Variants in SYT14 observed in about 807,000 individuals in gnomAD.
SYT14 encodes synaptotagmin-14.
Under a neutral mutation model 74.2 loss-of-function variants are expected in SYT14, and 32 were observed. The observed-to-expected ratio is 0.43, with a 90% CI of 0.33 to 0.58. The LOEUF is 0.58. Among genes scored for constraint, SYT14 ranks in the 20% least tolerant of loss-of-function variants. The pLI is 0.05. For missense variants in SYT14, 791 were observed against 981.8 expected, an observed-to-expected ratio of 0.81 and a Z score of 2.60; for synonymous variants, 298 against 337.7, an observed-to-expected ratio of 0.88 and a Z score of 1.29.
At chr1:210,162,149 T>A in exon 10 of SYT14, 2 of 439,444 alleles carry the variant, frequency 4.6e-6, no homozygotes, top group South Asian at 1.6e-5. Flanking sequence ...AAAACAGTTA[T>A]GAGATTCCTT....
At chr1:209,948,867 AT>A (rs908593014) in intron 1 of SYT14, among the ~76,000 whole-genome samples, 18 of 152,242 alleles carry the variant, frequency 1.2e-4, no homozygotes, top group African/African-American at 4.3e-4. Context: ...TGTGTGGAAA[AT>A]TGTATTTATA....
chr1:210,073,169 A>G (rs2081426736), intron 5 of SYT14, among the ~76,000 whole-genome samples: 1 of 151,986 alleles, frequency 6.6e-6, no homozygotes, highest in Non-Finnish European at 1.5e-5. Flanking sequence ...TTAGTTACAA[A>G]ATAATAAATT....
chr1:209,965,555 T>A (rs1362160370), intron 2 of SYT14, among the ~76,000 whole-genome samples: 1 of 152,208 alleles, frequency 6.6e-6, no homozygotes, highest in Non-Finnish European at 1.5e-5. Context: ...AACAGTTTGT[T>A]TTCCTTTGGG....
intron 5 of SYT14, among the ~76,000 whole-genome samples, chr1:210,056,458 T>G (rs2081098093): frequency 6.6e-6 from 1 of 152,030 alleles, no homozygotes; most frequent in Admixed American, 6.6e-5. Flanking sequence ...TCGAGCTCCT[T>G]ATTTCTTCTT....
rs568781244 is a variant in SYT14 at position 209,942,299 on chromosome 1, G to C, written c.-534+4022G>C. On this transcript the variant is annotated intron_variant, in intron 1 of 9. Transcript: ENST00000637265. ...CGGCAATCCAAAATGTTAAGCTTAG[G>C]ATATTCAGAATGTCCCAAAGTTGTC... 8.7e-4 allele frequency among the ~76,000 whole-genome samples: 129 copies of C among 148,628 alleles called. 1 individual carries two copies. The highest frequency in any genetic ancestry group is 3.1e-3 in the African/African-American group (122 of 39,084).
chr1:209,970,645 T>C (rs1455010847), intron 2 of SYT14, among the ~76,000 whole-genome samples: 3 of 149,400 alleles, frequency 2.0e-5, no homozygotes, highest in Non-Finnish European at 4.4e-5. Flanking sequence ...ATTTACAGAT[T>C]GCTTTGGGCA....
chr1:210,169,752 A>G (rs946101705), exon 10 of SYT14: 4 of 152,112 alleles, frequency 2.6e-5, no homozygotes, highest in Non-Finnish European at 4.4e-5. Context: ...TTGAGGAAGA[A>G]TAGTTATTAT....
intron 5 of SYT14, among the ~76,000 whole-genome samples, chr1:210,065,655 T>A (rs972352599): frequency 2.2e-4 from 34 of 152,118 alleles, no homozygotes; most frequent in African/African-American, 7.9e-4. Flanking sequence ...AACATGAAAA[T>A]AATTTTTAAT....
intron 5 of SYT14, among the ~76,000 whole-genome samples, chr1:210,051,993 G>T (rs1022321925): frequency 6.6e-6 from 1 of 151,968 alleles, no homozygotes; most frequent in South Asian, 2.1e-4. Context: ...TTAACTTTTG[G>T]ACCCTTTTTT....
chr1:210,141,140 C>T (rs562501603), intron 7 of SYT14, among the ~76,000 whole-genome samples: 1 of 150,498 alleles, frequency 6.6e-6, no homozygotes, highest in African/African-American at 2.4e-5. Flanking sequence ...ACTGTCTTAA[C>T]AATTTAAGTC....
intron 5 of SYT14, among the ~76,000 whole-genome samples, chr1:210,046,755 T>C (rs577872789): frequency 6.6e-6 from 1 of 152,318 alleles, no homozygotes; most frequent in South Asian, 2.1e-4. Flanking sequence ...GTCTATCCAC[T>C]TAACCACTGA....
chr1:209,956,245 T>C (rs527334027), intron 2 of SYT14, among the ~76,000 whole-genome samples: 14 of 151,554 alleles, frequency 9.2e-5, no homozygotes, highest in Non-Finnish European at 1.9e-4. Context: ...TATATTGTAT[T>C]ACTCAAGGTA....
intron 2 of SYT14, among the ~76,000 whole-genome samples, chr1:209,999,759 A>G (rs533142496): frequency 3.3e-5 from 5 of 152,252 alleles, no homozygotes; most frequent in South Asian, 2.1e-4. Flanking sequence ...AATGGTGTAT[A>G]TGGTAAGGAT....
chr1:210,075,667 C>G (rs527568196), intron 5 of SYT14, among the ~76,000 whole-genome samples: 20 of 152,154 alleles, frequency 1.3e-4, no homozygotes, highest in Admixed American at 7.2e-4. Context: ...AGGATGGGGG[C>G]GTGGCTGGCC....
chr1:210,162,827 A>T (rs1229920845), exon 10 of SYT14: 3 of 452,048 alleles, frequency 6.6e-6, no homozygotes, highest in African/African-American at 2.0e-5. Flanking sequence ...AAGAAAAAAT[A>T]CAAATGCTAT....
At chr1:210,065,050 T>C (rs1417184174) in intron 5 of SYT14, among the ~76,000 whole-genome samples, 2 of 152,138 alleles carry the variant, frequency 1.3e-5, no homozygotes, top group Non-Finnish European at 2.9e-5. Context: ...TTCATGTGCT[T>C]ACTAGCCACT....
intron 7 of SYT14, among the ~76,000 whole-genome samples, chr1:210,105,617 G>A (rs568062691): frequency 4.7e-4 from 72 of 152,254 alleles, no homozygotes; most frequent in East Asian, 3.9e-3. Flanking sequence ...TAACCCCTGC[G>A]GTCGAGAATC....
At chr1:210,052,434 G>A (rs1458768628) in intron 5 of SYT14, among the ~76,000 whole-genome samples, 1 of 151,958 alleles carries the variant, frequency 6.6e-6, no homozygotes, top group Non-Finnish European at 1.5e-5. Flanking sequence ...AGGCCGAGGC[G>A]GGCGGATCAT....
intron 5 of SYT14, among the ~76,000 whole-genome samples, chr1:210,044,557 T>C (rs2080851333): frequency 6.6e-6 from 1 of 152,238 alleles, no homozygotes; most frequent in Admixed American, 6.5e-5. Flanking sequence ...GGCAATGTGA[T>C]AGATATGTTC....
Sources: gnomAD v4.1 joint callset for allele counts (sites outside exome capture counted in the v4.1 genomes callset) on GRCh38, gnomAD v4.1.1 for gene constraint, MANE v1.5 for transcripts, NCBI Gene and HGNC (gene_info 2026-07-23, HGNC 2026-07-21) for gene names.